The following KIF26B variants were observed in gnomAD, a reference collection of about 807,000 sequenced individuals.
KIF26B encodes the protein kinesin-like protein KIF26B.
KIF26B carries 63 observed loss-of-function variants against 151.2 expected under a neutral mutation model. The ratio of observed to expected loss-of-function variants is 0.42; its 90% CI spans 0.34 to 0.51. The LOEUF (loss-of-function observed/expected upper bound fraction) is 0.51, where lower values mean the gene tolerates loss of function less well. Among genes scored for constraint, KIF26B ranks in the 20% least tolerant of loss-of-function variants. The pLI, the probability that KIF26B is intolerant of heterozygous loss-of-function variation, is 0.07. For missense variants in KIF26B, 2,813 were observed against 2,913.6 expected, an observed-to-expected ratio of 0.97 and a Z score of 0.79; for synonymous variants, 1,357 against 1,262.1, an observed-to-expected ratio of 1.08 and a Z score of -1.59.
intron 10 of KIF26B, among the ~76,000 whole-genome samples, chr1:245,660,513 A>C (rs928943051): frequency 2.7e-5 from 4 of 150,486 alleles, no homozygotes; most frequent in African/African-American, 9.8e-5. Context: ...AATTTTTAAA[A>C]ATTTTTTTCT....
intron 5 of KIF26B, among the ~76,000 whole-genome samples, chr1:245,561,865 C>G (rs1051422958): frequency 3.3e-5 from 5 of 152,170 alleles, no homozygotes; most frequent in Admixed American, 2.6e-4. Flanking sequence ...ATCAGTCCAC[C>G]TGATTCTCAC....
chr1:245,448,330 C>G (rs1438742869), intron 4 of KIF26B, among the ~76,000 whole-genome samples: 1 of 152,174 alleles, frequency 6.6e-6, no homozygotes, highest in African/African-American at 2.4e-5. Context: ...GCCTCAGCCT[C>G]CCAAGTAGCT....
intron 4 of KIF26B, among the ~76,000 whole-genome samples, chr1:245,522,894 A>G (rs1661159894): frequency 1.3e-5 from 2 of 152,224 alleles, no homozygotes; most frequent in Admixed American, 1.3e-4. Context: ...AGAAGCTGCT[A>G]AGAAAAAATG....
rs754927295 is a variant in KIF26B, at chr1:245,367,130, C to T, written c.762C>T (p.Thr254=). ...CCTTTGTGCCCGCCCCCTGTGCCACCTCCAACTACACAGGCTTCGCCAACA... is the reference window on the plus strand; with the variant it reads ...CCTTTGTGCCCGCCCCCTGTGCCACTTCCAACTACACAGGCTTCGCCAACA... The part of the protein sequence containing the change: ...DWAFVPAPCA[T]SNYTGFANKH... The change falls in exon 3 of 15, where the codon ACC becomes ACT. Residue 254 remains threonine, a synonymous_variant. Coordinates refer to ENST00000407071, the MANE Select transcript of KIF26B (RefSeq NM_018012.4). The surrounding 1 kb of genome is among the most constrained non-coding windows in gnomAD (Gnocchi z 4.2). 8 of 1,598,914 alleles carry T rather than the reference C, an allele frequency of 5.0e-6. No homozygotes were observed. In the Admixed American group the frequency reaches 1.4e-4, roughly 28 times the overall value.
chr1:245,315,746 C>T (rs1051402088), intron 2 of KIF26B, among the ~76,000 whole-genome samples: 14 of 150,698 alleles, frequency 9.3e-5, no homozygotes, highest in Non-Finnish European at 2.1e-4. Flanking sequence ...AAATATCAGT[C>T]GGGTGTGGTG....
At chr1:245,588,050 C>T (rs1168053752) in intron 5 of KIF26B, among the ~76,000 whole-genome samples, 2 of 152,164 alleles carry the variant, frequency 1.3e-5, no homozygotes, top group African/African-American at 2.4e-5. Context: ...CCAAGCCCCT[C>T]GGCTACAGAG....
In KIF26B at chr1:245,686,942, G is replaced by A. The variant is rs1464051758; in HGVS notation, c.3959G>A (p.Ser1320Asn). 6.2e-6 allele frequency: 10 copies of A among 1,613,292 alleles called. No homozygotes were observed. Among genetic ancestry groups the A allele is most frequent in the African/African-American group, 2.7e-5 (2 of 74,932 alleles). ...MAEPVASEFV[S>N]SLQNTAVVCR... ...GAACCTGTGGCCTCGGAGTTTGTCA[G>A]CAGCCTCCAGAACACCGCTGTGGTG... Residue 1320 changes from serine (S) to asparagine (N), a missense_variant, in exon 12 of 15, where the codon AGC becomes AAC. Physicochemically the swap from Ser to Asn is conservative, Grantham distance 46 (BLOSUM62 1). Transcript: ENST00000407071. This position sits in a 1 kb window ranked among gnomAD's most constrained non-coding sequence, Gnocchi z 5.6.
At chr1:245,155,922 C>T (rs773289587) in intron 1 of KIF26B, among the ~76,000 whole-genome samples, 1 of 151,984 alleles carries the variant, frequency 6.6e-6, no homozygotes, top group Non-Finnish European at 1.5e-5. Context: ...TAGGGTCTTC[C>T]AGGATTTTGT....
In KIF26B at chr1:245,352,549, C is replaced by T. The variant is rs1273476077; in HGVS notation, c.466-14285C>T. Among the ~76,000 whole-genome samples the T allele has an allele frequency of 6.6e-6, 1 of 152,226 alleles. No homozygotes were observed. The highest frequency in any genetic ancestry group is 2.4e-5 in the African/African-American group (1 of 41,466). Reference sequence around the variant, plus strand: ...CAAGTGCTGAGATTATAGGCGTGAACCACTGTGCCTGGCCCACCTACTTCC... The same window carrying T: ...CAAGTGCTGAGATTATAGGCGTGAATCACTGTGCCTGGCCCACCTACTTCC... On this transcript the variant is annotated intron_variant, in intron 2 of 14. Transcript: ENST00000407071. The surrounding 1 kb of genome is among the most constrained non-coding windows in gnomAD (Gnocchi z 5.0).
At chr1:245,260,477 T>C (rs983881331) in intron 2 of KIF26B, among the ~76,000 whole-genome samples, 2 of 152,324 alleles carry the variant, frequency 1.3e-5, no homozygotes, top group East Asian at 1.9e-4. Context: ...TTGGACTCCC[T>C]CTAGGGAACT....
intron 2 of KIF26B, chr1:245,216,315 A>C (rs905950008): frequency 1.3e-5 from 2 of 152,162 alleles, no homozygotes; most frequent in Non-Finnish European, 2.9e-5. Context: ...TGTAACAAAA[A>C]GAAGGGCAGG....
chr1:245,378,141 G>C (rs974020723), intron 3 of KIF26B, among the ~76,000 whole-genome samples: 4 of 152,110 alleles, frequency 2.6e-5, no homozygotes, highest in Non-Finnish European at 5.9e-5. Flanking sequence ...GGGGAGCCTT[G>C]TTCCTTCTCT....
At chr1:245,374,121 A>ATATATATT (rs1673213809) in intron 3 of KIF26B, among the ~76,000 whole-genome samples, 2 of 95,136 alleles carry the variant, frequency 2.1e-5, no homozygotes, top group Non-Finnish European at 4.2e-5. Flanking sequence ...ATATATATAT[A>ATATATATT]TATATATATA....
intron 2 of KIF26B, among the ~76,000 whole-genome samples, chr1:245,242,468 C>T (rs35748571): frequency 5.3e-5 from 8 of 152,244 alleles, no homozygotes; most frequent in Admixed American, 4.6e-4. Context: ...GATATTCTAC[C>T]TAAGAAATCT....
intron 4 of KIF26B, among the ~76,000 whole-genome samples, chr1:245,426,444 C>T (rs1658651486): frequency 6.6e-6 from 1 of 152,200 alleles, no homozygotes; most frequent in South Asian, 2.1e-4. Flanking sequence ...ACTGACTCCT[C>T]TAACTCCTTG....
At chr1:245,631,475 C>T (rs573630486) in intron 9 of KIF26B, among the ~76,000 whole-genome samples, 17 of 152,186 alleles carry the variant, frequency 1.1e-4, no homozygotes, top group Non-Finnish European at 2.2e-4. Context: ...GGATAAATCC[C>T]ACTTGATTAT....
chr1:245,565,482 G>A (rs1287618422), intron 5 of KIF26B, among the ~76,000 whole-genome samples: 2 of 152,028 alleles, frequency 1.3e-5, no homozygotes, highest in Non-Finnish European at 2.9e-5. Flanking sequence ...TAGAGACGGG[G>A]TCTCACTACG....
rs1558282878 is a variant in KIF26B at position 245,703,675 on chromosome 1, AGT to A, written c.*1072_*1073del. ...CATATTTCTTTCTTTAGTATTTTCT[AGT>A]GTTGTGTTGTAGATTGATTAAAGTG... On this transcript the variant is annotated 3_prime_UTR_variant, in exon 15 of 15. Transcript: ENST00000407071. The A allele has an allele frequency of 6.6e-6, 1 of 152,156 alleles. No individual in the cohort carries two copies. The highest frequency in any genetic ancestry group is 6.5e-5 in the Admixed American group (1 of 15,278). 9.4% of individuals were successfully genotyped at this position (152,156 alleles called of 1,614,324 possible). A position where few individuals can be genotyped will look rare whatever the true frequency, so the allele number is the denominator to read the frequency against.
At chr1:245,253,242 C>T (rs947902848) in intron 2 of KIF26B, among the ~76,000 whole-genome samples, 2 of 152,058 alleles carry the variant, frequency 1.3e-5, no homozygotes, top group East Asian at 1.9e-4. Flanking sequence ...CTCCTGACCT[C>T]AGGTGATCTG....
Sources: allele counts gnomAD v4.1 joint callset (sites outside exome capture counted in the v4.1 genomes callset), GRCh38; gene constraint gnomAD v4.1.1; non-coding constraint Gnocchi (gnomAD v3.1); transcripts MANE v1.5; gene names NCBI Gene and HGNC (gene_info 2026-07-23, HGNC 2026-07-21).